NYAP2: variants seen among roughly 807,000 people sequenced by gnomAD.
The protein encoded by NYAP2 is neuronal tyrosine-phosphorylated phosphoinositide-3-kinase adapter 2.
In NYAP2, 23 loss-of-function variants were observed where a neutral mutation model predicts 50.4. That is an observed-to-expected ratio of 0.46 (90% CI 0.33 to 0.65). NYAP2 has a LOEUF of 0.65. Ranked by LOEUF, NYAP2 falls within the 30% of genes least tolerant of loss-of-function variation. The pLI is 0.02. For synonymous variants in NYAP2, 394 were observed against 365.2 expected, an observed-to-expected ratio of 1.08 and a Z score of -0.90; for missense variants, 885 against 861.0, an observed-to-expected ratio of 1.03 and a Z score of -0.35.
At chr2:225,586,848 A>C (rs532730939) in intron 5 of NYAP2, among the ~76,000 whole-genome samples, 1 of 152,200 alleles carries the variant, frequency 6.6e-6, no homozygotes, top group South Asian at 2.1e-4. Flanking sequence ...TTTAACCCTC[A>C]TATCAGTCCA....
At chr2:225,558,078 C>A (rs1157694875) in intron 4 of NYAP2, among the ~76,000 whole-genome samples, 2 of 152,134 alleles carry the variant, frequency 1.3e-5, no homozygotes, top group African/African-American at 4.8e-5. Context: ...TATGATATGA[C>A]CCTCCAGGGA....
chr2:225,517,387 T>C (rs1690955210), intron 4 of NYAP2, among the ~76,000 whole-genome samples: 1 of 152,158 alleles, frequency 6.6e-6, no homozygotes, highest in Non-Finnish European at 1.5e-5. Context: ...GTGTGCACCC[T>C]CACATTGGTC....
the NYAP2 span, among the ~76,000 whole-genome samples, chr2:225,675,306 C>T: frequency 4.6e-5 from 7 of 152,150 alleles, no homozygotes; most frequent in South Asian, 4.2e-4. Flanking sequence ...CTCCCTTCCC[C>T]GTCTAGTGAT....
At chr2:225,659,661 G>A in the NYAP2 span, among the ~76,000 whole-genome samples, 6 of 152,100 alleles carry the variant, frequency 3.9e-5, no homozygotes, top group Admixed American at 6.5e-5. Context: ...AGACTTACAG[G>A]AAGTAAAGAT....
At chr2:225,444,818 G>T (rs1270374576) in intron 3 of NYAP2, among the ~76,000 whole-genome samples, 1 of 152,158 alleles carries the variant, frequency 6.6e-6, no homozygotes, top group East Asian at 1.9e-4. Flanking sequence ...CTCTGGAAAT[G>T]TTAATAATGT....
Position 225,410,738 on chromosome 2 carries a change from C to A in NYAP2, c.221+1637C>A, listed in dbSNP as rs528122985. Among the ~76,000 whole-genome samples, 3 of 152,192 alleles carry A rather than the reference C, an allele frequency of 2.0e-5. No homozygotes were observed. In the East Asian group the frequency reaches 5.8e-4, roughly 29 times the overall value. On this transcript the variant is annotated intron_variant, in intron 3 of 6. Coordinates refer to ENST00000636099, the Ensembl canonical transcript of NYAP2. ...TTCATTAACAAGCTTCAGTAGGTTT[C>A]TATTTAAAGATTCATAGTTGTTAAG... is the stretch of plus-strand genomic sequence containing the variant.
intron 6 of NYAP2, among the ~76,000 whole-genome samples, chr2:225,635,575 C>T (rs542859478): frequency 6.6e-6 from 1 of 152,280 alleles, no homozygotes; most frequent in East Asian, 1.9e-4. Context: ...GAAAGATCAG[C>T]ACATTGCAAA....
chr2:225,558,274 G>C (rs570777622), intron 4 of NYAP2, among the ~76,000 whole-genome samples: 2 of 152,262 alleles, frequency 1.3e-5, no homozygotes, highest in South Asian at 4.1e-4. Context: ...AACAATACTT[G>C]TATTATCTAA....
chr2:225,504,763 A>G (rs1045769409), intron 3 of NYAP2, among the ~76,000 whole-genome samples: 1 of 152,094 alleles, frequency 6.6e-6, no homozygotes, highest in African/African-American at 2.4e-5. Flanking sequence ...TAACCCCAGC[A>G]CTTTGGGAAG....
At chr2:225,688,875 C>T in the NYAP2 span, among the ~76,000 whole-genome samples, 6 of 151,954 alleles carry the variant, frequency 3.9e-5, no homozygotes, top group East Asian at 1.9e-4. Context: ...CCCGAGTAGC[C>T]GGGATTACAG....
At chr2:225,653,499 A>T (rs1276451666) in exon 7 of NYAP2, 1 of 152,206 alleles carries the variant, frequency 6.6e-6, no homozygotes, top group African/African-American at 2.4e-5. Flanking sequence ...GGACGCCTTT[A>T]TATGCTGTTA....
chr2:225,411,457 C>T (rs938268716), intron 3 of NYAP2, among the ~76,000 whole-genome samples: 1 of 152,016 alleles, frequency 6.6e-6, no homozygotes, highest in African/African-American at 2.4e-5. Context: ...TTTTATGAAG[C>T]CTTTTAAATG....
intron 3 of NYAP2, among the ~76,000 whole-genome samples, chr2:225,423,183 A>T (rs1257732384): frequency 6.6e-6 from 1 of 152,168 alleles, no homozygotes; most frequent in East Asian, 1.9e-4. Flanking sequence ...CAGTTATATG[A>T]TTGCATTAAA....
intron 4 of NYAP2, among the ~76,000 whole-genome samples, chr2:225,536,111 A>C (rs545597287): frequency 1.3e-5 from 2 of 152,332 alleles, no homozygotes; most frequent in Admixed American, 6.5e-5. Context: ...ATAATTGCAA[A>C]AGGCTGTATT....
intron 3 of NYAP2, among the ~76,000 whole-genome samples, chr2:225,495,291 C>T (rs1045456189): frequency 3.9e-5 from 6 of 152,114 alleles, no homozygotes; most frequent in African/African-American, 4.8e-5. Flanking sequence ...TTGTACTTCT[C>T]AGGGGTTAGG....
intron 4 of NYAP2, among the ~76,000 whole-genome samples, chr2:225,555,963 C>T (rs745882760): frequency 6.6e-6 from 1 of 152,142 alleles, no homozygotes; most frequent in Non-Finnish European, 1.5e-5. Flanking sequence ...TTACCCTGCT[C>T]TGTTGTTTCT....
exon 7 of NYAP2, chr2:225,651,637 T>C (rs1317233423): frequency 3.8e-6 from 6 of 1,567,884 alleles, no homozygotes; most frequent in Non-Finnish European, 5.2e-6. Context: ...CTTTCGCATT[T>C]GCTTTTATTT....
chr2:225,670,505 T>C, the NYAP2 span, among the ~76,000 whole-genome samples: 1 of 151,644 alleles, frequency 6.6e-6, no homozygotes, highest in East Asian at 1.9e-4. Flanking sequence ...CCCTTACAAA[T>C]TAATGGTCTT....
chr2:225,637,452 A>G (rs771901717), intron 6 of NYAP2, among the ~76,000 whole-genome samples: 11 of 152,254 alleles, frequency 7.2e-5, no homozygotes, highest in Non-Finnish European at 1.5e-4. Flanking sequence ...GTGCAGTCAG[A>G]TCATGCATCA....
Sources: allele counts gnomAD v4.1 joint callset (sites outside exome capture counted in the v4.1 genomes callset), GRCh38; gene constraint gnomAD v4.1.1; transcripts MANE v1.5; gene names NCBI Gene and HGNC (gene_info 2026-07-23, HGNC 2026-07-21).